Variants in ADARB2 observed in about 807,000 individuals in gnomAD.
ADARB2 encodes the protein adenosine deaminase RNA specific B2 (inactive).
Under a neutral mutation model 62.2 loss-of-function variants are expected in ADARB2, and 25 were observed. The ratio of observed to expected loss-of-function variants is 0.40; its 90% CI spans 0.29 to 0.56. ADARB2 has a LOEUF of 0.56. ADARB2 is among the 20% of genes least tolerant of loss of function. ADARB2 has a pLI of 0.43. For synonymous variants in ADARB2, 572 were observed against 500.8 expected, an observed-to-expected ratio of 1.14 and a Z score of -1.90; for missense variants, 1,071 against 1,077.4, an observed-to-expected ratio of 0.99 and a Z score of 0.08.
intron 1 of ADARB2, among the ~76,000 whole-genome samples, chr10:1,677,090 CCATTT>C (rs1370508485): frequency 6.6e-6 from 1 of 152,240 alleles, no homozygotes; most frequent in Non-Finnish European, 1.5e-5. Flanking sequence ...GGGCCTGAGG[CCATTT>C]CATCAACATG....
chr10:1,232,515 GC>G (rs1301136138), intron 6 of ADARB2, among the ~76,000 whole-genome samples: 2 of 149,740 alleles, frequency 1.3e-5, no homozygotes, highest in South Asian at 2.1e-4. Flanking sequence ...TGTGGTATGT[GC>G]TGTGTGTGAT....
intron 1 of ADARB2, among the ~76,000 whole-genome samples, chr10:1,580,042 C>T (rs1035408646): frequency 3.9e-5 from 6 of 152,210 alleles, no homozygotes; most frequent in African/African-American, 7.2e-5. Flanking sequence ...ACGAGGCAGA[C>T]GAGCGAGTCA....
intron 1 of ADARB2, among the ~76,000 whole-genome samples, chr10:1,502,376 G>A (rs1049750479): frequency 6.6e-6 from 1 of 152,220 alleles, no homozygotes; most frequent in Non-Finnish European, 1.5e-5. Flanking sequence ...GTATATGACC[G>A]TGTGCTCACA....
At chr10:1,591,547 C>A (rs1472260420) in intron 1 of ADARB2, among the ~76,000 whole-genome samples, 1 of 152,110 alleles carries the variant, frequency 6.6e-6, no homozygotes, top group African/African-American at 2.4e-5. Context: ...TGCTCCCTGT[C>A]TTCAGTGTCT....
intron 1 of ADARB2, among the ~76,000 whole-genome samples, chr10:1,498,704 G>A (rs11250569): frequency 0.14 from 21,014 of 152,108 alleles, 1,666 homozygotes; most frequent in East Asian, 0.19. Flanking sequence ...AATGAAAGAC[G>A]TAAAACACAA....
At chr10:1,282,950 A>G (rs1831382735) in intron 3 of ADARB2, among the ~76,000 whole-genome samples, 1 of 152,170 alleles carries the variant, frequency 6.6e-6, no homozygotes, top group African/African-American at 2.4e-5. Flanking sequence ...TTCCCATCAT[A>G]TCTTTCAATT....
chr10:1,509,929 T>G (rs7095678), intron 1 of ADARB2, among the ~76,000 whole-genome samples: 27,860 of 152,106 alleles, frequency 0.18, 2,960 homozygotes, highest in Non-Finnish European at 0.25. Flanking sequence ...AAAATTATGC[T>G]TTAATGCTTG....
chr10:1,247,509 T>C (rs1830997029), intron 4 of ADARB2, among the ~76,000 whole-genome samples: 1 of 152,156 alleles, frequency 6.6e-6, no homozygotes, highest in South Asian at 2.1e-4. Flanking sequence ...GTCCCATTAA[T>C]GAAGAATGGC....
chr10:1,488,046 C>T (rs1056244939), intron 1 of ADARB2, among the ~76,000 whole-genome samples: 3 of 152,160 alleles, frequency 2.0e-5, no homozygotes, highest in Non-Finnish European at 4.4e-5. Flanking sequence ...AGAAGGTCAT[C>T]TACATGTTTC....
At chr10:1,530,052 C>A (rs944195280) in intron 1 of ADARB2, among the ~76,000 whole-genome samples, 2 of 150,194 alleles carry the variant, frequency 1.3e-5, no homozygotes, top group African/African-American at 4.9e-5. Flanking sequence ...CCACCATGGG[C>A]GCCTATCCAC....
At chr10:1,223,216 T>C (rs572892718) in intron 6 of ADARB2, among the ~76,000 whole-genome samples, 22 of 152,250 alleles carry the variant, frequency 1.4e-4, no homozygotes, top group African/African-American at 5.1e-4. Flanking sequence ...GGCTCTCTGT[T>C]TGTCTGTTAT....
In ADARB2 at chr10:1,364,278, T is replaced by C. The variant is rs1190623711; in HGVS notation, c.188-361A>G. On this transcript the variant is annotated intron_variant, in intron 2 of 9. Coordinates refer to ENST00000381312, the MANE Select transcript of ADARB2 (RefSeq NM_018702.4). ...TTTCCCGGGGTGGTGTGGTCTAGTG[T>C]CCCCCTTCCCACCTGCTACAGGGAC... 3.9e-5 allele frequency among the ~76,000 whole-genome samples: 6 copies of C among 152,190 alleles called. No individual in the cohort carries two copies. In the East Asian group the frequency reaches 5.8e-4, roughly 15 times the overall value.
At chr10:1,498,772 T>A (rs778525041) in intron 1 of ADARB2, among the ~76,000 whole-genome samples, 18 of 152,222 alleles carry the variant, frequency 1.2e-4, no homozygotes, top group Non-Finnish European at 2.2e-4. Flanking sequence ...AAAAATGTTG[T>A]TTAGAAATAC....
intron 3 of ADARB2, among the ~76,000 whole-genome samples, chr10:1,343,495 C>G (rs1246453727): frequency 6.6e-6 from 1 of 152,196 alleles, no homozygotes; most frequent in Non-Finnish European, 1.5e-5. Flanking sequence ...ACAGAACTAC[C>G]ATCTGACCCA....
intron 1 of ADARB2, among the ~76,000 whole-genome samples, chr10:1,531,812 G>C (rs979684576): frequency 6.6e-6 from 1 of 152,052 alleles, no homozygotes; most frequent in Non-Finnish European, 1.5e-5. Context: ...ACTCCAGCCT[G>C]GGTGACAGAG....
At chr10:1,520,031 C>A (rs934608066) in intron 1 of ADARB2, among the ~76,000 whole-genome samples, 1 of 152,184 alleles carries the variant, frequency 6.6e-6, no homozygotes, top group Non-Finnish European at 1.5e-5. Flanking sequence ...AGAAGAGGCT[C>A]TACTGAGCAC....
At chr10:1,570,945 T>C (rs569933173) in intron 1 of ADARB2, among the ~76,000 whole-genome samples, 94 of 152,210 alleles carry the variant, frequency 6.2e-4, no homozygotes, top group African/African-American at 2.2e-3. Flanking sequence ...GTCTGGCCAA[T>C]GGGGAACTCA....
chr10:1,231,025 C>A (rs935287039), intron 6 of ADARB2, among the ~76,000 whole-genome samples: 1 of 152,146 alleles, frequency 6.6e-6, no homozygotes, highest in Non-Finnish European at 1.5e-5. Flanking sequence ...AAAGTGAGGG[C>A]TGGCTGGAGA....
chr10:1,701,956 C>A (rs9665586), intron 1 of ADARB2, among the ~76,000 whole-genome samples: 147,002 of 152,340 alleles, frequency 0.96, 71,164 homozygotes, highest in East Asian at 1. Flanking sequence ...GGTATAGAGG[C>A]GTGTGTATGC....
Sources: allele counts gnomAD v4.1 joint callset (sites outside exome capture counted in the v4.1 genomes callset), GRCh38; gene constraint gnomAD v4.1.1; transcripts MANE v1.5; gene names NCBI Gene and HGNC (gene_info 2026-07-23, HGNC 2026-07-21).